ZNF479: variants seen among roughly 807,000 people sequenced by gnomAD.
ZNF479 encodes the protein KRAB zinc finger protein KR19.
ZNF479 carries 15 observed loss-of-function variants against 14.7 expected under a neutral mutation model. The observed-to-expected ratio is 1.02, with a 90% CI of 0.68 to 1.57. The LOEUF is 1.57. Among genes scored for constraint, ZNF479 ranks in the 40% most tolerant of loss-of-function variants. The pLI, the probability that ZNF479 is intolerant of heterozygous loss-of-function variation, is 0.00. For synonymous variants in ZNF479, 145 were observed against 211.5 expected (o/e 0.69, Z 2.73); for missense variants, 506 against 615.1 (o/e 0.82, Z 1.88).
intron 1 of ZNF479, among the ~76,000 whole-genome samples, chr7:57,137,740 G>A (rs1355572165): frequency 6.6e-6 from 1 of 152,110 alleles, no homozygotes; most frequent in Non-Finnish European, 1.5e-5. Context: ...TTCTTAGGTT[G>A]AGCACCTAGA....
chr7:57,129,444 C>T (rs1786323584), intron 1 of ZNF479, among the ~76,000 whole-genome samples: 1 of 152,074 alleles, frequency 6.6e-6, no homozygotes, highest in Admixed American at 6.6e-5. Context: ...AGCAGAGTCC[C>T]TTACACACAC....
At chr7:57,128,960 A>G (rs936774919) in intron 1 of ZNF479, among the ~76,000 whole-genome samples, 9 of 152,216 alleles carry the variant, frequency 5.9e-5, no homozygotes, top group Non-Finnish European at 1.2e-4. Flanking sequence ...CCTTTAAAGC[A>G]CAACCTATTC....
At chr7:57,137,971 T>C (rs1004591432) in intron 1 of ZNF479, among the ~76,000 whole-genome samples, 2 of 152,312 alleles carry the variant, frequency 1.3e-5, no homozygotes, top group South Asian at 2.1e-4. Flanking sequence ...ATCACCTAGA[T>C]GGTGTGACCG....
At chr7:57,132,093 C>T (rs1441456155) in intron 1 of ZNF479, among the ~76,000 whole-genome samples, 193 bp downstream of exon 1, 2 of 152,140 alleles carry the variant, frequency 1.3e-5, no homozygotes, top group Non-Finnish European at 2.9e-5. Context: ...AAGACAAAAA[C>T]CCCAGGGTGC....
At chr7:57,135,756 T>C (rs1583951806), upstream of ZNF479, among the ~76,000 whole-genome samples, 1 of 152,164 alleles carries the variant, frequency 6.6e-6, no homozygotes, top group Non-Finnish European at 1.5e-5. Context: ...CTAGTGGCTG[T>C]GACTGACAGA....
chr7:57,119,788 C>G lies in ZNF479; in HGVS notation c.*52G>C. ...TTCTCTACATTTGTAGTGTTTTTTT[C>G]CAGTGTAAATTATTTTATGTATTAT... On this transcript the variant is annotated 3_prime_UTR_variant, in exon 4 of 4. Transcript: ENST00000319636. The G allele has an allele frequency of 6.9e-7, 1 of 1,441,598 alleles. No homozygotes were observed. The highest frequency in any genetic ancestry group is 9.4e-7 in the Non-Finnish European group (1 of 1,059,178). The allele number at this position is 1,441,598 out of a possible 1,614,324, so 89.3% of individuals were successfully genotyped here.
chr7:57,134,665 CT>C (rs71053216), upstream of ZNF479, among the ~76,000 whole-genome samples: 23,082 of 105,802 alleles, frequency 0.22, 1,191 homozygotes, highest in East Asian at 0.34. Flanking sequence ...TTTCTTCTAT[CT>C]TTTTTTTTTT....
upstream of ZNF479, among the ~76,000 whole-genome samples, chr7:57,134,269 C>T (rs531280883): frequency 3.3e-5 from 5 of 152,230 alleles, no homozygotes; most frequent in African/African-American, 9.6e-5. Context: ...AAAGAAGCGA[C>T]AAAAATCCAC....
chr7:57,127,479 C>A, intron 1 of ZNF479: 3 of 909,250 alleles, frequency 3.3e-6, no homozygotes, highest in Non-Finnish European at 3.9e-6. Context: ...AGGAGATTTC[C>A]GAGGAAGTCT....
chr7:57,120,471 T>C lies in ZNF479; in HGVS notation c.944A>G (p.His315Arg), dbSNP rs1316275221. ...AFSVSSTLTD[H>R]KRIHTGEKPC... ...TTTCTCTCCAGTATGAATTCTCTTG[T>C]GGTCAGTGAGGGTTGAGGATACGCT... Residue 315 changes from histidine (H) to arginine (R), a missense_variant, in exon 4 of 4, where the codon CAC (histidine) becomes CGC (arginine). Physicochemically the swap from His to Arg is conservative, Grantham distance 29. Transcript: ENST00000319636. The C allele has an allele frequency of 1.9e-6, 3 of 1,611,622 alleles. No homozygotes were observed. The African/African-American group carries it at 4.0e-5, about 22-fold the overall frequency.
In ZNF479 at chr7:57,132,412, G is replaced by T; in HGVS notation, c.-88C>A. The stretch of plus-strand genomic sequence containing the variant: ...CAGAGCAGTGAAGAGGAGAACTGCA[G>T]CTCTGGACGCAGAGAAACACAAAGG... On this transcript the variant is annotated 5_prime_UTR_variant, in exon 1 of 4. It adds an upstream start codon to the 5' untranslated region. Coordinates refer to ENST00000319636, the MANE Select transcript of ZNF479 (RefSeq NM_001370129.2). The T allele has an allele frequency of 1.3e-6, 2 of 1,596,828 alleles. No homozygotes were observed. The highest frequency in any genetic ancestry group is 2.2e-5 in the South Asian group (2 of 90,652).
At chr7:57,135,530 A>T (rs537850278), upstream of ZNF479, among the ~76,000 whole-genome samples, 1 of 152,156 alleles carries the variant, frequency 6.6e-6, no homozygotes, top group Admixed American at 6.5e-5. Flanking sequence ...CTCCTTCCTC[A>T]GCTTCCCAAG....
exon 1 of ZNF479, chr7:57,139,683 C>G (rs1326659521): frequency 2.0e-5 from 3 of 152,164 alleles, no homozygotes; most frequent in African/African-American, 7.2e-5. Context: ...TATCTCTGGA[C>G]CAATCATCAA....
At chr7:57,121,185 T>C (rs1785930396) in intron 3 of ZNF479, 33 bp from the exon 4 acceptor site, 2 of 1,613,184 alleles carry the variant, frequency 1.2e-6, no homozygotes, top group Non-Finnish European at 1.7e-6. Context: ...GTTACTCCAC[T>C]TTCTGGACTC....
In ZNF479 at chr7:57,121,115, C is replaced by G. The variant is rs782227853; in HGVS notation, c.300G>C (p.Glu100Asp). 65 of 1,613,684 alleles carry G rather than the reference C, an allele frequency of 4.0e-5. No homozygotes were observed. The highest frequency in any genetic ancestry group is 5.3e-5 in the Non-Finnish European group (63 of 1,179,936). The change falls in exon 4 of 4, where the codon GAG becomes GAC. Residue 100 changes from glutamate to aspartate, a missense_variant. Around this residue, in one of 3 missense-constraint regions of ZNF479, gnomAD observed 420 missense variants for 474.2 expected, o/e 0.89. Transcript: ENST00000319636. The part of the protein sequence containing the change: ...RSHFTQDLQP[E>D]QGIKDSLQKV... ...TTTGGAGTGAATCTTTGATGCCCTG[C>G]TCTGGCTGAAGGTCTTGGGTGAAAT...
Position 57,121,313 on chromosome 7 carries a change from A to G in ZNF479, c.263-161T>C, listed in dbSNP as rs549705889. 6.8e-3 allele frequency among the ~76,000 whole-genome samples: 1,042 copies of G among 152,318 alleles called. 10 individuals carry two copies. The highest frequency in any genetic ancestry group is 0.023 in the African/African-American group (974 of 41,570). Reference sequence around the variant, plus strand: ...ATAGATGTATAAATGTAACAAAATCATAGTGATCAAAATACCTTTGTTGGA... The same window carrying G: ...ATAGATGTATAAATGTAACAAAATCGTAGTGATCAAAATACCTTTGTTGGA... On this transcript the variant is annotated intron_variant, in intron 3 of 3. Transcript: ENST00000319636.
chr7:57,121,624 C>A (rs1229092618), intron 3 of ZNF479, among the ~76,000 whole-genome samples: 2 of 152,094 alleles, frequency 1.3e-5, no homozygotes, highest in Non-Finnish European at 2.9e-5. Context: ...ATACAAATTG[C>A]AGACAAAACA....
At position 57,120,729 on chromosome 7, in the gene ZNF479, G is replaced by A; in HGVS notation, c.686C>T (p.Thr229Ile). 1 of 1,612,396 alleles carries A rather than the reference G, an allele frequency of 6.2e-7. No homozygotes were observed. Among genetic ancestry groups the A allele is most frequent in the South Asian group, 1.1e-5 (1 of 90,924 alleles). The change falls in exon 4 of 4, where the codon ACT becomes ATT. Residue 229 changes from threonine to isoleucine, a missense_variant. Coordinates refer to ENST00000319636, the MANE Select transcript of ZNF479 (RefSeq NM_001370129.2). The stretch of plus-strand genomic sequence containing the variant: ...TCCAGTATGAATTATTTTATGTGTA[G>A]TATGGTTTGAGGAGCAGTTAAAGGA... Reference protein sequence around the residue: ...GKSFNCSSNHTTHKIIHTGEK... With the variant: ...GKSFNCSSNHITHKIIHTGEK...
In ZNF479 at chr7:57,132,285, C is replaced by A; in HGVS notation, c.39+1G>T. 2 of 1,614,092 alleles carry A rather than the reference C, an allele frequency of 1.2e-6. No homozygotes were observed. The stretch of plus-strand genomic sequence containing the variant: ...CTCACGATGACAGACCCAGCACTCA[C>A]CATTTCTCGGCTTCCAGGGGGTCCT... On this transcript the variant is annotated splice_donor_variant, in intron 1 of 3. Coordinates refer to ENST00000319636, the MANE Select transcript of ZNF479 (RefSeq NM_001370129.2). LOFTEE classifies it high-confidence loss of function.
Sources: gnomAD v4.1 joint callset for allele counts (sites outside exome capture counted in the v4.1 genomes callset) on GRCh38, gnomAD v4.1.1 for gene constraint, gnomAD v4.1.1 regional missense constraint, MANE v1.5 for transcripts, NCBI Gene and HGNC (gene_info 2026-07-23, HGNC 2026-07-21) for gene names.